The following RAPGEF4 variants were observed in gnomAD, a reference collection of about 807,000 sequenced individuals.
RAPGEF4 encodes RAP guanine-nucleotide-exchange factor (GEF) 4.
RAPGEF4 carries 66 observed loss-of-function variants against 147.9 expected under a neutral mutation model. The ratio of observed to expected loss-of-function variants is 0.45; its 90% CI spans 0.37 to 0.55. RAPGEF4 has a LOEUF of 0.55. Among genes scored for constraint, RAPGEF4 ranks in the 20% least tolerant of loss-of-function variants. The probability of loss-of-function intolerance (pLI) is 0.00; values close to 1 mark genes in which losing one functional copy is unlikely to be tolerated. For synonymous variants in RAPGEF4, 419 were observed against 442.7 expected, an observed-to-expected ratio of 0.95 and a Z score of 0.67; for missense variants, 1,071 against 1,257.3, an observed-to-expected ratio of 0.85 and a Z score of 2.24.
intron 10 of RAPGEF4, among the ~76,000 whole-genome samples, chr2:172,979,520 T>C (rs1474874214): frequency 6.6e-6 from 1 of 152,226 alleles, no homozygotes; most frequent in Non-Finnish European, 1.5e-5. Flanking sequence ...CAGAAACAAG[T>C]CATTAGATCA....
chr2:172,903,035 G>A (rs1314237591), intron 4 of RAPGEF4, among the ~76,000 whole-genome samples: 1 of 152,154 alleles, frequency 6.6e-6, no homozygotes. Context: ...CAAACAACAT[G>A]TGTGGGCAGA....
At chr2:172,891,884 A>C (rs1193381741) in intron 4 of RAPGEF4, among the ~76,000 whole-genome samples, 1 of 152,182 alleles carries the variant, frequency 6.6e-6, no homozygotes, top group South Asian at 2.1e-4. Context: ...ATTATATAGG[A>C]ATTCTTTTCC....
At chr2:172,766,085 A>G (rs1449832072) in intron 1 of RAPGEF4, among the ~76,000 whole-genome samples, 1 of 152,164 alleles carries the variant, frequency 6.6e-6, no homozygotes, top group East Asian at 1.9e-4. Context: ...TGGGCTTATC[A>G]TACCTAATTA....
At chr2:173,007,877 C>A (rs1421548424) in intron 17 of RAPGEF4, among the ~76,000 whole-genome samples, 1 of 152,188 alleles carries the variant, frequency 6.6e-6, no homozygotes, top group Non-Finnish European at 1.5e-5. Context: ...GTGTTTAAGA[C>A]CTGTGTCCTA....
At chr2:172,858,182 C>T (rs1693655980) in intron 4 of RAPGEF4, among the ~76,000 whole-genome samples, 1 of 152,140 alleles carries the variant, frequency 6.6e-6, no homozygotes, top group Non-Finnish European at 1.5e-5. Flanking sequence ...GTTTATGCTC[C>T]TTCTTGACTG....
intron 6 of RAPGEF4, among the ~76,000 whole-genome samples, chr2:172,951,103 T>C (rs372599043): frequency 6.6e-6 from 1 of 152,354 alleles, no homozygotes; most frequent in African/African-American, 2.4e-5. Flanking sequence ...ATTTTGTGCA[T>C]CATTTTATCA....
intron 6 of RAPGEF4, among the ~76,000 whole-genome samples, chr2:172,925,131 C>T (rs556004017): frequency 3.4e-4 from 51 of 152,180 alleles, no homozygotes; most frequent in Non-Finnish European, 6.0e-4. Flanking sequence ...AGGCACCCAC[C>T]ACCATGCCTG....
chr2:172,960,790 C>T lies in RAPGEF4; in HGVS notation c.568C>T (p.Arg190Cys), dbSNP rs1204139349. The T allele has an allele frequency of 3.1e-6, 5 of 1,607,072 alleles. No individual in the cohort carries two copies. Among genetic ancestry groups the T allele is most frequent in the South Asian group, 1.1e-5 (1 of 89,386 alleles). The change falls in exon 7 of 31, where the codon CGT (arginine) becomes TGT (cysteine). Residue 190 changes from arginine (R) to cysteine (C), a missense_variant. Arg to Cys is a radical substitution (Grantham distance 180). Coordinates refer to ENST00000397081, the MANE Select transcript of RAPGEF4 (RefSeq NM_007023.4). ...TCTCATTGAACCTCACGTTCCTCTT[C>T]GTCCTGCTAACACCATTACCAAGGT... ...TPLIEPHVPL[R>C]PANTITKVPS... is the part of the protein sequence containing the mutation.
intron 4 of RAPGEF4, among the ~76,000 whole-genome samples, chr2:172,905,594 C>T (rs1288107579): frequency 1.3e-5 from 2 of 152,212 alleles, no homozygotes; most frequent in African/African-American, 2.4e-5. Flanking sequence ...TTTATCTGCT[C>T]GCTTGTAGTG....
chr2:172,954,524 A>G (rs2105412228), intron 6 of RAPGEF4, among the ~76,000 whole-genome samples: 1 of 152,264 alleles, frequency 6.6e-6, no homozygotes, highest in Admixed American at 6.5e-5. Flanking sequence ...AGAAGTCTCT[A>G]GATGATTTTT....
intron 4 of RAPGEF4, among the ~76,000 whole-genome samples, chr2:172,859,269 C>T (rs560239098): frequency 6.6e-6 from 1 of 152,276 alleles, no homozygotes; most frequent in South Asian, 2.1e-4. Context: ...CCTAATATTA[C>T]TTCAGTAATC....
At position 172,889,561 on chromosome 2, in the gene RAPGEF4, A is replaced by T. The variant is rs527446104; in HGVS notation, c.445-28241A>T. On this transcript the variant is annotated intron_variant, in intron 4 of 30. Coordinates refer to ENST00000397081, the MANE Select transcript of RAPGEF4 (RefSeq NM_007023.4). ...TTCTTCTAGTAATTCCCACTCACAG[A>T]ACGAGGTTTTACAAGGGGACATGTT... Among the ~76,000 whole-genome samples, 7 of 152,080 alleles carry T rather than the reference A, an allele frequency of 4.6e-5. No individual in the cohort carries two copies. In the South Asian group the frequency reaches 1.5e-3, roughly 32 times the overall value.
intron 1 of RAPGEF4, among the ~76,000 whole-genome samples, chr2:172,746,202 C>A (rs2149430434): frequency 6.6e-6 from 1 of 152,280 alleles, no homozygotes; most frequent in South Asian, 2.1e-4. Flanking sequence ...TTGGTGTCAG[C>A]CAAACTGGGG....
chr2:173,046,508 C>T (rs1207288088), intron 29 of RAPGEF4, among the ~76,000 whole-genome samples: 2 of 152,194 alleles, frequency 1.3e-5, no homozygotes, highest in African/African-American at 2.4e-5. Context: ...TCGGTAATTA[C>T]ACTCCATTCA....
Position 172,821,948 on chromosome 2 carries a change from C to T in RAPGEF4, c.444+7523C>T, listed in dbSNP as rs1574948343. The T allele has an allele frequency of 5.0e-6, 8 of 1,613,114 alleles. No homozygotes were observed. The East Asian group carries it at 1.6e-4, about 31-fold the overall frequency. ...CTGGATGTCTGAGAACTTTGAGAGACCGAAAAAGAAGGACGTATGCTCTAC... is the reference window on the plus strand; with the variant it reads ...CTGGATGTCTGAGAACTTTGAGAGATCGAAAAAGAAGGACGTATGCTCTAC... On this transcript the variant is annotated intron_variant, in intron 4 of 30. Coordinates refer to ENST00000397081, the MANE Select transcript of RAPGEF4 (RefSeq NM_007023.4).
chr2:172,879,258 AT>A (rs1287168347), intron 4 of RAPGEF4, among the ~76,000 whole-genome samples: 1 of 152,188 alleles, frequency 6.6e-6, no homozygotes, highest in African/African-American at 2.4e-5. Context: ...ATATACTGTT[AT>A]GGAAATATCT....
chr2:173,049,546 G>A (rs1575604615), intron 30 of RAPGEF4, among the ~76,000 whole-genome samples: 1 of 152,378 alleles, frequency 6.6e-6, no homozygotes, highest in East Asian at 1.9e-4. Flanking sequence ...AAGAGACTAT[G>A]ATGTTCTTGT....
At chr2:172,784,067 T>C (rs1361035208) in intron 1 of RAPGEF4, among the ~76,000 whole-genome samples, 1 of 152,240 alleles carries the variant, frequency 6.6e-6, no homozygotes, top group Non-Finnish European at 1.5e-5. Context: ...TCCATTGTGC[T>C]ACTTACCACA....
intron 22 of RAPGEF4, among the ~76,000 whole-genome samples, chr2:173,019,707 C>A (rs1040517526): frequency 3.3e-5 from 5 of 152,188 alleles, no homozygotes; most frequent in Non-Finnish European, 7.3e-5. Context: ...GCACAAGGCC[C>A]AGGATGTCTG....
Sources: allele counts gnomAD v4.1 joint callset (sites outside exome capture counted in the v4.1 genomes callset), GRCh38; gene constraint gnomAD v4.1.1; transcripts MANE v1.5; gene names NCBI Gene and HGNC (gene_info 2026-07-23, HGNC 2026-07-21).